CFAP46: variants seen among roughly 807,000 people sequenced by gnomAD.
The protein encoded by CFAP46 is cilia- and flagella-associated protein 46.
CFAP46 carries 245 observed loss-of-function variants against 325.7 expected under a neutral mutation model. That is an observed-to-expected ratio of 0.75 (90% CI 0.68 to 0.84). The LOEUF is 0.84. CFAP46 is among the 40% of genes least tolerant of loss of function. CFAP46 has a pLI of 0.00. For synonymous variants in CFAP46, 1,523 were observed against 1,495.9 expected, an observed-to-expected ratio of 1.02 and a Z score of -0.42; for missense variants, 3,346 against 3,543.0, an observed-to-expected ratio of 0.94 and a Z score of 1.41.
intron 35 of CFAP46, among the ~76,000 whole-genome samples, chr10:132,864,172 CAG>C (rs1848768543): frequency 7.0e-6 from 1 of 143,266 alleles, no homozygotes; most frequent in Non-Finnish European, 1.5e-5. Flanking sequence ...CACCTGTCCC[CAG>C]TGCCTGAGAC....
chr10:132,836,561 G>A (rs564413424), intron 45 of CFAP46, among the ~76,000 whole-genome samples: 2 of 152,354 alleles, frequency 1.3e-5, no homozygotes, highest in East Asian at 1.9e-4. Flanking sequence ...CTTCGGGTCC[G>A]GACGCCCAGA....
At chr10:132,932,702 T>A (rs1308165935) in intron 8 of CFAP46, among the ~76,000 whole-genome samples, 1 of 147,652 alleles carries the variant, frequency 6.8e-6, no homozygotes, top group Non-Finnish European at 1.5e-5. Context: ...GCACCTGCAG[T>A]CACCAATCAG....
At chr10:132,912,960 A>G in intron 18 of CFAP46, 86 bp downstream of exon 18, 1 of 1,495,480 alleles carries the variant, frequency 6.7e-7, no homozygotes, top group Non-Finnish European at 9.0e-7. Flanking sequence ...ACAGAGGGCC[A>G]TGGAGTGCAG....
chr10:132,913,436 T>C (rs1031561038), intron 17 of CFAP46, among the ~76,000 whole-genome samples, 178 bp from the exon 18 acceptor site: 1 of 152,276 alleles, frequency 6.6e-6, no homozygotes, highest in Middle Eastern at 3.4e-3. Flanking sequence ...CACTCCCACC[T>C]GAGCCCCGCC....
chr10:132,809,271 A>C (rs1206000085), intron 57 of CFAP46, among the ~76,000 whole-genome samples: 1 of 152,152 alleles, frequency 6.6e-6, no homozygotes, highest in African/African-American at 2.4e-5. Flanking sequence ...CACTGGGCTC[A>C]TGCCTCCATT....
chr10:132,847,174 G>A lies in CFAP46; in HGVS notation c.6087+13C>T. 1 of 1,609,902 alleles carries A rather than the reference G, an allele frequency of 6.2e-7. No individual in the cohort carries two copies. The highest frequency in any genetic ancestry group is 8.5e-7 in the Non-Finnish European group (1 of 1,178,830). Reference sequence around the variant, plus strand: ...GGCAGAGGCCACACGAGGGGCAGGAGGGGCAGCCGCACCTTCAGGTCCTCG... The same window carrying A: ...GGCAGAGGCCACACGAGGGGCAGGAAGGGCAGCCGCACCTTCAGGTCCTCG... On this transcript the variant is annotated intron_variant, in intron 42 of 57. Coordinates refer to ENST00000368586, the MANE Select transcript of CFAP46 (RefSeq NM_001200049.3). The surrounding 1 kb of genome is among the most constrained non-coding windows in gnomAD (Gnocchi z 5.2).
intron 9 of CFAP46, among the ~76,000 whole-genome samples, chr10:132,927,581 G>C (rs1849831357): frequency 6.6e-6 from 1 of 152,238 alleles, no homozygotes; most frequent in South Asian, 2.1e-4. Context: ...GCGGCTGCAA[G>C]CCTCCATGCC....
chr10:132,910,201 C>A, intron 19 of CFAP46, 133 bp from the exon 20 acceptor site: 1 of 809,970 alleles, frequency 1.2e-6, no homozygotes, highest in Non-Finnish European at 1.7e-6. Flanking sequence ...CACGAGACCT[C>A]AGGCCCACCA....
chr10:132,813,941 C>T (rs1847636651), intron 54 of CFAP46, among the ~76,000 whole-genome samples: 1 of 152,188 alleles, frequency 6.6e-6, no homozygotes, highest in South Asian at 2.1e-4. Context: ...ACCCTGGGGG[C>T]CCCAGGTCGC....
chr10:132,818,913 T>C (rs972602161), intron 50 of CFAP46, among the ~76,000 whole-genome samples: 1 of 149,420 alleles, frequency 6.7e-6, no homozygotes, highest in African/African-American at 2.5e-5. Context: ...AAAAAAGATG[T>C]GAAATTATGT....
chr10:132,826,813 A>G (rs1848064457), intron 50 of CFAP46, among the ~76,000 whole-genome samples: 1 of 152,180 alleles, frequency 6.6e-6, no homozygotes, highest in Admixed American at 6.5e-5. Flanking sequence ...GCACGAGTTT[A>G]ATAACAGGCA....
chr10:132,901,926 T>C (rs1406980306), intron 22 of CFAP46, among the ~76,000 whole-genome samples: 1 of 152,240 alleles, frequency 6.6e-6, no homozygotes, highest in Non-Finnish European at 1.5e-5. Flanking sequence ...CTGGTTTGCA[T>C]CATTTCTGAT....
At position 132,834,019 on chromosome 10, in the gene CFAP46, T is replaced by C. The variant is rs374682045; in HGVS notation, c.6949+22A>G. ...GGCGGGATGAGCTCCCCAGGCTGAGTGGCCACGCCCGCCCCACTCACTGTG... is the reference window on the plus strand; with the variant it reads ...GGCGGGATGAGCTCCCCAGGCTGAGCGGCCACGCCCGCCCCACTCACTGTG... On this transcript the variant is annotated intron_variant, in intron 49 of 57. Transcript: ENST00000368586. The C allele has an allele frequency of 1.7e-4, 273 of 1,610,594 alleles. No homozygotes were observed. In the African/African-American group the frequency reaches 3.3e-3, roughly 20 times the overall value.
intron 7 of CFAP46, among the ~76,000 whole-genome samples, chr10:132,935,881 C>A (rs71481964): frequency 8.8e-6 from 1 of 113,790 alleles, no homozygotes; most frequent in Non-Finnish European, 1.9e-5. Context: ...CCAAACCCAC[C>A]GTGATCTCCT....
chr10:132,892,641 T>C lies in CFAP46; in HGVS notation c.3220-224A>G, dbSNP rs1389453461. Among the ~76,000 whole-genome samples the C allele has an allele frequency of 2.0e-5, 3 of 152,236 alleles. No homozygotes were observed. The East Asian group carries it at 5.8e-4, about 29-fold the overall frequency. Reference sequence around the variant, plus strand: ...ATTAATAACTTAAGTTATTTTAATGTAAATTTTTGGCAAACAACTCAGGAA... The same window carrying C: ...ATTAATAACTTAAGTTATTTTAATGCAAATTTTTGGCAAACAACTCAGGAA... On this transcript the variant is annotated intron_variant, in intron 24 of 57. Transcript: ENST00000368586.
At chr10:132,921,788 G>C (rs1849725938) in intron 13 of CFAP46, among the ~76,000 whole-genome samples, 1 of 152,228 alleles carries the variant, frequency 6.6e-6, no homozygotes, top group African/African-American at 2.4e-5. Context: ...GAGCACTCAG[G>C]GGGAATCAGC....
At chr10:132,810,777 CT>C (rs1479080339) in intron 56 of CFAP46, 172 bp downstream of exon 56, 5 of 752,174 alleles carry the variant, frequency 6.6e-6, no homozygotes, top group Non-Finnish European at 1.2e-5. Context: ...AGCCGCCCCC[CT>C]CCCCATGCAC....
chr10:132,901,272 C>G (rs750141608), intron 22 of CFAP46, among the ~76,000 whole-genome samples: 1 of 152,204 alleles, frequency 6.6e-6, no homozygotes, highest in Non-Finnish European at 1.5e-5. Flanking sequence ...GGTTCGTTTA[C>G]GTTTAATGGA....
chr10:132,914,829 T>G (rs1849611348), intron 17 of CFAP46, among the ~76,000 whole-genome samples: 1 of 152,048 alleles, frequency 6.6e-6, no homozygotes, highest in African/African-American at 2.4e-5. Context: ...GGCCCGAGGC[T>G]GTGTCCAGCC....
Sources: gnomAD v4.1 joint callset for allele counts (sites outside exome capture counted in the v4.1 genomes callset) on GRCh38, gnomAD v4.1.1 for gene constraint, Gnocchi (gnomAD v3.1) non-coding constraint, MANE v1.5 for transcripts, NCBI Gene and HGNC (gene_info 2026-07-23, HGNC 2026-07-21) for gene names.